ZNF385B: variants seen among roughly 807,000 people sequenced by gnomAD.
ZNF385B encodes zinc finger protein 385B, also known as zinc finger protein 533.
ZNF385B carries 23 observed loss-of-function variants against 39.2 expected under a neutral mutation model. The ratio of observed to expected loss-of-function variants is 0.59; its 90% CI spans 0.42 to 0.83. ZNF385B has a LOEUF of 0.83. Ranked by LOEUF, ZNF385B falls within the 40% of genes least tolerant of loss-of-function variation. ZNF385B has a pLI of 0.00. For missense variants in ZNF385B, 552 were observed against 598.9 expected, an observed-to-expected ratio of 0.92 and a Z score of 0.82; for synonymous variants, 205 against 222.6, an observed-to-expected ratio of 0.92 and a Z score of 0.70.
At chr2:179,695,666 G>C (rs1055057999) in intron 3 of ZNF385B, among the ~76,000 whole-genome samples, 1 of 152,136 alleles carries the variant, frequency 6.6e-6, no homozygotes, top group African/African-American at 2.4e-5. Flanking sequence ...TTTACACCCA[G>C]ATGCCCAGAA....
At chr2:179,476,671 C>G (rs920714087) in intron 6 of ZNF385B, among the ~76,000 whole-genome samples, 1 of 152,166 alleles carries the variant, frequency 6.6e-6, no homozygotes, top group African/African-American at 2.4e-5. Context: ...GAATCTTCAG[C>G]CTTACCTGGA....
chr2:179,502,119 C>T (rs977204252), intron 5 of ZNF385B, among the ~76,000 whole-genome samples: 1 of 152,154 alleles, frequency 6.6e-6, no homozygotes, highest in Non-Finnish European at 1.5e-5. Context: ...TTTGGAATGG[C>T]AGCATTTATC....
At chr2:179,780,730 A>G (rs945873141) in intron 1 of ZNF385B, among the ~76,000 whole-genome samples, 4 of 152,212 alleles carry the variant, frequency 2.6e-5, no homozygotes, top group Admixed American at 2.0e-4. Context: ...TGCTGACAAT[A>G]TGTATTTAGA....
intron 3 of ZNF385B, among the ~76,000 whole-genome samples, chr2:179,572,167 G>A (rs1469483622): frequency 2.6e-5 from 4 of 151,936 alleles, no homozygotes; most frequent in Non-Finnish European, 4.4e-5. Context: ...AGAACTTTGA[G>A]GTGTCTAGGA....
At chr2:179,446,954 A>G (rs543482152) in intron 6 of ZNF385B, among the ~76,000 whole-genome samples, 184 bp from the exon 7 acceptor site, 6 of 152,328 alleles carry the variant, frequency 3.9e-5, no homozygotes, top group African/African-American at 1.4e-4. Context: ...CTATGCCATC[A>G]GTTTCCATAT....
At chr2:179,797,802 G>A (rs1324820736) in intron 1 of ZNF385B, among the ~76,000 whole-genome samples, 1 of 152,110 alleles carries the variant, frequency 6.6e-6, no homozygotes, top group Non-Finnish European at 1.5e-5. Context: ...TTCATCAGGA[G>A]GCATATGATG....
rs1026952772 is a variant in ZNF385B, at chr2:179,718,275, T to G, written c.298+51228A>C. ...ATGTTGACACATCAATAGTGAGAATTTTAAATACTGGGTCTTAAAAGTGTT... is the reference window on the plus strand; with the variant it reads ...ATGTTGACACATCAATAGTGAGAATGTTAAATACTGGGTCTTAAAAGTGTT... On this transcript the variant is annotated intron_variant, in intron 3 of 9. Transcript: ENST00000410066. 2.7e-4 allele frequency among the ~76,000 whole-genome samples: 41 copies of G among 151,070 alleles called. 1 individual carries two copies. Among genetic ancestry groups the G allele is most frequent in the Non-Finnish European group, 3.0e-5 (2 of 67,778 alleles).
chr2:179,682,176 A>G (rs1463230011), intron 3 of ZNF385B, among the ~76,000 whole-genome samples: 1 of 152,218 alleles, frequency 6.6e-6, no homozygotes, highest in Non-Finnish European at 1.5e-5. Flanking sequence ...CTGCATCAGT[A>G]GGACCTGCTT....
chr2:179,779,484 T>A (rs945565133), intron 1 of ZNF385B, among the ~76,000 whole-genome samples: 1 of 152,300 alleles, frequency 6.6e-6, no homozygotes, highest in Middle Eastern at 3.4e-3. Flanking sequence ...ACTGGGGGCC[T>A]GATATGATCA....
chr2:179,615,924 C>T (rs1178653350), intron 3 of ZNF385B, among the ~76,000 whole-genome samples: 3 of 152,136 alleles, frequency 2.0e-5, no homozygotes, highest in Non-Finnish European at 4.4e-5. Flanking sequence ...TTTGAATTTT[C>T]TGAGTTAGAT....
Position 179,525,479 on chromosome 2 carries a change from C to T in ZNF385B, c.442-6841G>A, listed in dbSNP as rs184321379. The stretch of plus-strand genomic sequence containing the variant: ...AAGTCCTGGGAATATTTAGAAATTA[C>T]GTGTTTGCAAGTGGCAGTCATCATT... On this transcript the variant is annotated intron_variant, in intron 4 of 9. Coordinates refer to ENST00000410066, the MANE Select transcript of ZNF385B (RefSeq NM_152520.6). 2.6e-5 allele frequency among the ~76,000 whole-genome samples: 4 copies of T among 152,260 alleles called. No individual in the cohort carries two copies. In the East Asian group the frequency reaches 5.8e-4, roughly 22 times the overall value.
At chr2:179,637,960 G>A (rs1007740799) in intron 3 of ZNF385B, among the ~76,000 whole-genome samples, 6 of 152,142 alleles carry the variant, frequency 3.9e-5, no homozygotes, top group African/African-American at 1.4e-4. Context: ...AATTTGGACT[G>A]GATTTTCGTA....
intron 6 of ZNF385B, among the ~76,000 whole-genome samples, chr2:179,473,896 A>AT (rs2053110564): frequency 6.6e-6 from 1 of 152,126 alleles, no homozygotes; most frequent in Non-Finnish European, 1.5e-5. Context: ...CATGGTGTAT[A>AT]TGTGGCACCC....
At chr2:179,765,102 T>C (rs1307164006) in intron 3 of ZNF385B, among the ~76,000 whole-genome samples, 1 of 152,232 alleles carries the variant, frequency 6.6e-6, no homozygotes, top group Non-Finnish European at 1.5e-5. Flanking sequence ...TCCATAATTG[T>C]GTGAGCTAAT....
intron 6 of ZNF385B, among the ~76,000 whole-genome samples, chr2:179,480,641 G>A (rs16866747): frequency 0.22 from 33,076 of 151,614 alleles, 4,192 homozygotes; most frequent in East Asian, 0.46. Context: ...TTGCTTAGAA[G>A]CTGACATATG....
intron 3 of ZNF385B, among the ~76,000 whole-genome samples, chr2:179,762,497 A>G (rs1279942175): frequency 6.6e-6 from 1 of 152,108 alleles, no homozygotes; most frequent in African/African-American, 2.4e-5. Flanking sequence ...CAGGTGGTAG[A>G]TTATTAATTT....
chr2:179,784,733 C>T (rs1373568211), intron 1 of ZNF385B, among the ~76,000 whole-genome samples: 1 of 151,942 alleles, frequency 6.6e-6, no homozygotes, highest in Non-Finnish European at 1.5e-5. Flanking sequence ...CAAATTAAAG[C>T]CACAATGTGA....
At chr2:179,589,226 A>T (rs1687352719) in intron 3 of ZNF385B, among the ~76,000 whole-genome samples, 1 of 152,188 alleles carries the variant, frequency 6.6e-6, no homozygotes, top group South Asian at 2.1e-4. Context: ...GGAGGGAATA[A>T]AAATCATCAT....
intron 1 of ZNF385B, among the ~76,000 whole-genome samples, chr2:179,824,891 CAT>C (rs1354608888): frequency 6.6e-6 from 1 of 150,386 alleles, no homozygotes; most frequent in African/African-American, 2.4e-5. Flanking sequence ...AAAAAAAAAA[CAT>C]TTTGGCAACA....
Sources: gnomAD v4.1 joint callset for allele counts (sites outside exome capture counted in the v4.1 genomes callset) on GRCh38, gnomAD v4.1.1 for gene constraint, MANE v1.5 for transcripts, NCBI Gene and HGNC (gene_info 2026-07-23, HGNC 2026-07-21) for gene names.